CDKAL1: variants seen among roughly 807,000 people sequenced by gnomAD.
The protein encoded by CDKAL1 is threonylcarbamoyladenosine tRNA methylthiotransferase.
A neutral mutation model predicts 68.2 loss-of-function variants in CDKAL1; 32 were observed. That is an observed-to-expected ratio of 0.47 (90% CI 0.35 to 0.63). The LOEUF (loss-of-function observed/expected upper bound fraction) is 0.63. Among genes scored for constraint, CDKAL1 ranks in the 30% least tolerant of loss-of-function variants. The pLI is 0.00. For synonymous variants in CDKAL1, 234 were observed against 244.3 expected, an observed-to-expected ratio of 0.96 and a Z score of 0.39; for missense variants, 606 against 696.7, an observed-to-expected ratio of 0.87 and a Z score of 1.47.
chr6:20,861,237 T>C lies in CDKAL1; in HGVS notation c.742+15059T>C, dbSNP rs138895179. Among the ~76,000 whole-genome samples, 19 of 152,260 alleles carry C rather than the reference T, an allele frequency of 1.2e-4. No individual in the cohort carries two copies. The East Asian group carries it at 2.9e-3, about 23-fold the overall frequency. ...TGTCATTAAAACAAAGAGATCTGAT[T>C]CAGAGATCAAGGCCAGAGTGTGAAA... On this transcript the variant is annotated intron_variant, in intron 9 of 15. Transcript: ENST00000274695.
At chr6:21,149,588 T>A (rs2151046711) in intron 13 of CDKAL1, among the ~76,000 whole-genome samples, 1 of 152,350 alleles carries the variant, frequency 6.6e-6, no homozygotes, top group Middle Eastern at 3.4e-3. Context: ...GCCTCACGAT[T>A]CCTCACATTC....
intron 4 of CDKAL1, among the ~76,000 whole-genome samples, chr6:20,552,226 G>A (rs918842673): frequency 1.3e-5 from 2 of 151,898 alleles, no homozygotes; most frequent in Non-Finnish European, 2.9e-5. Context: ...GTCTTTGCCT[G>A]TAGTCCCAGT....
intron 2 of CDKAL1, among the ~76,000 whole-genome samples, chr6:20,538,001 A>G (rs1471837116): frequency 6.6e-6 from 1 of 152,238 alleles, no homozygotes; most frequent in African/African-American, 2.4e-5. Context: ...TAATGCTGAT[A>G]TGCAGCGTTA....
chr6:20,768,318 A>G (rs1376826978), intron 7 of CDKAL1, among the ~76,000 whole-genome samples: 1 of 152,192 alleles, frequency 6.6e-6, no homozygotes, highest in Non-Finnish European at 1.5e-5. Context: ...CCACTCTGAA[A>G]TTCTTGAAGT....
intron 9 of CDKAL1, among the ~76,000 whole-genome samples, chr6:20,853,144 G>A (rs780815266): frequency 1.3e-4 from 20 of 152,078 alleles, no homozygotes; most frequent in Non-Finnish European, 2.5e-4. Context: ...ACTTTGAGAG[G>A]GTCTCGGCAG....
chr6:20,876,800 A>G (rs1051749297), intron 9 of CDKAL1, among the ~76,000 whole-genome samples: 2 of 152,176 alleles, frequency 1.3e-5, no homozygotes, highest in South Asian at 4.1e-4. Flanking sequence ...GCCTTTAATT[A>G]ATGAAAAACA....
chr6:20,894,135 AT>A (rs1254829670), intron 9 of CDKAL1, among the ~76,000 whole-genome samples: 2 of 152,216 alleles, frequency 1.3e-5, no homozygotes, highest in African/African-American at 2.4e-5. Flanking sequence ...CACACTAAGT[AT>A]CTAAAGTGTT....
At chr6:20,801,100 T>A (rs2150406096) in intron 8 of CDKAL1, among the ~76,000 whole-genome samples, 1 of 152,240 alleles carries the variant, frequency 6.6e-6, no homozygotes, top group East Asian at 1.9e-4. Context: ...TTTATTTTTA[T>A]TTTTGTCAAG....
At chr6:20,644,435 T>G (rs1768337551) in intron 4 of CDKAL1, among the ~76,000 whole-genome samples, 1 of 152,122 alleles carries the variant, frequency 6.6e-6, no homozygotes, top group East Asian at 1.9e-4. Context: ...CCCAGCACTT[T>G]GGAAGGCTGA....
intron 5 of CDKAL1, among the ~76,000 whole-genome samples, chr6:20,708,830 T>C (rs1771719447): frequency 6.6e-6 from 1 of 152,210 alleles, no homozygotes; most frequent in African/African-American, 2.4e-5. Context: ...TTTCAGCCTT[T>C]TTCTTCTTGT....
intron 13 of CDKAL1, among the ~76,000 whole-genome samples, chr6:21,194,601 A>G (rs1023242701): frequency 6.6e-6 from 1 of 152,322 alleles, no homozygotes; most frequent in Admixed American, 6.5e-5. Flanking sequence ...CTGTTTGGAT[A>G]TGGCAAGCCA....
At chr6:20,634,983 A>C (rs1767838401) in intron 4 of CDKAL1, among the ~76,000 whole-genome samples, 1 of 100,238 alleles carries the variant, frequency 1.0e-5, no homozygotes, top group Non-Finnish European at 2.1e-5. Flanking sequence ...GTCTCAAAAA[A>C]AAAAAAAAAA....
intron 9 of CDKAL1, among the ~76,000 whole-genome samples, chr6:20,881,841 C>A (rs989323137): frequency 2.0e-5 from 3 of 152,070 alleles, no homozygotes; most frequent in African/African-American, 7.2e-5. Context: ...CTTTAAAATG[C>A]ACTCTTTTTG....
chr6:21,145,782 C>T (rs923136419), intron 13 of CDKAL1, among the ~76,000 whole-genome samples: 2 of 152,180 alleles, frequency 1.3e-5, no homozygotes, highest in African/African-American at 2.4e-5. Context: ...CACTTGTAGT[C>T]CCAGCTACTC....
intron 5 of CDKAL1, among the ~76,000 whole-genome samples, chr6:20,674,052 T>G (rs1408591114): frequency 2.0e-5 from 3 of 152,226 alleles, no homozygotes; most frequent in African/African-American, 7.2e-5. Context: ...TTATTACTTG[T>G]ATATATAAAG....
chr6:20,549,354 C>T (rs1387778643), intron 4 of CDKAL1, among the ~76,000 whole-genome samples: 5 of 152,178 alleles, frequency 3.3e-5, no homozygotes, highest in East Asian at 1.9e-4. Context: ...TGCGTCATAT[C>T]GGGGTCATGA....
intron 7 of CDKAL1, among the ~76,000 whole-genome samples, chr6:20,763,597 C>T (rs141455637): frequency 4.3e-4 from 66 of 152,272 alleles, no homozygotes; most frequent in African/African-American, 1.5e-3. Context: ...CCCTGTTGGG[C>T]TCTCTTCATA....
At position 21,039,142 on chromosome 6, in the gene CDKAL1, C is replaced by T. The variant is rs374050656; in HGVS notation, c.1056-25906C>T. 7.2e-5 allele frequency among the ~76,000 whole-genome samples: 11 copies of T among 152,264 alleles called. No individual in the cohort carries two copies. The South Asian group carries it at 1.0e-3, about 14-fold the overall frequency. On this transcript the variant is annotated intron_variant, in intron 11 of 15. Transcript: ENST00000274695. ...GGAGCAAGCATTACTGCCCAAGCTC[C>T]GCCTTCTCTCAGATCAGCTGTGTTA...
At chr6:20,574,357 T>C (rs1217302912) in intron 4 of CDKAL1, among the ~76,000 whole-genome samples, 7 of 152,148 alleles carry the variant, frequency 4.6e-5, no homozygotes, top group African/African-American at 1.4e-4. Flanking sequence ...GCTCAGATGG[T>C]ATAGGGTCCT....
Sources: allele counts gnomAD v4.1 joint callset (sites outside exome capture counted in the v4.1 genomes callset), GRCh38; gene constraint gnomAD v4.1.1; transcripts MANE v1.5; gene names NCBI Gene and HGNC (gene_info 2026-07-23, HGNC 2026-07-21).